Variants in ARFIP1 observed in about 807,000 individuals in gnomAD.
ARFIP1 encodes the protein ARF interacting protein 1, also known as arfaptin-1.
In ARFIP1, 24 loss-of-function variants were observed where a neutral mutation model predicts 42.5. That is an observed-to-expected ratio of 0.57 (90% CI 0.41 to 0.80). The LOEUF (loss-of-function observed/expected upper bound fraction) is 0.80, where lower values mean the gene tolerates loss of function less well. Ranked by LOEUF, ARFIP1 falls within the 30% of genes least tolerant of loss-of-function variation. The pLI, the probability that ARFIP1 is intolerant of heterozygous loss-of-function variation, is 0.00. For missense variants in ARFIP1, 354 were observed against 434.0 expected (o/e 0.82, Z 1.64); for synonymous variants, 141 against 153.7 (o/e 0.92, Z 0.61).
chr4:152,811,090 C>CTTTTTTT (rs5863021), intron 1 of ARFIP1, among the ~76,000 whole-genome samples: 1 of 74,406 alleles, frequency 1.3e-5, no homozygotes, highest in African/African-American at 5.0e-5. Flanking sequence ...AAGGTTAAGC[C>CTTTTTTT]TTTTTTTTTT....
At chr4:152,783,606 A>T (rs1730629569) in intron 1 of ARFIP1, among the ~76,000 whole-genome samples, 1 of 152,170 alleles carries the variant, frequency 6.6e-6, no homozygotes, top group Admixed American at 6.5e-5. Flanking sequence ...GTCTGACTCT[A>T]GACTACTACT....
chr4:152,786,148 G>T (rs755487657), intron 1 of ARFIP1, among the ~76,000 whole-genome samples: 1 of 152,088 alleles, frequency 6.6e-6, no homozygotes, highest in Admixed American at 6.5e-5. Flanking sequence ...CATTTTTCTT[G>T]GATATTTGGG....
At chr4:152,874,668 T>C (rs545363128) in intron 5 of ARFIP1, among the ~76,000 whole-genome samples, 2 of 152,242 alleles carry the variant, frequency 1.3e-5, no homozygotes, top group African/African-American at 2.4e-5. Flanking sequence ...ATTTACTGTT[T>C]GTTTGTTTGT....
At chr4:152,857,898 G>T (rs1392428395) in intron 2 of ARFIP1, among the ~76,000 whole-genome samples, 1 of 152,146 alleles carries the variant, frequency 6.6e-6, no homozygotes, top group Non-Finnish European at 1.5e-5. Flanking sequence ...GTCTATGTGG[G>T]CAGGGACTTT....
intron 5 of ARFIP1, among the ~76,000 whole-genome samples, chr4:152,873,637 T>C (rs1485325915): frequency 6.6e-6 from 1 of 152,234 alleles, no homozygotes; most frequent in Non-Finnish European, 1.5e-5. Flanking sequence ...CGTTAAGTCC[T>C]ATGCATTCTG....
chr4:152,905,258 A>ACTC (rs1738214541), intron 8 of ARFIP1, among the ~76,000 whole-genome samples: 1 of 152,162 alleles, frequency 6.6e-6, no homozygotes, highest in Admixed American at 6.5e-5. Context: ...GTTTTAAGAA[A>ACTC]CTGACAAACT....
At chr4:152,840,713 C>CT (rs764318893) in intron 2 of ARFIP1, among the ~76,000 whole-genome samples, 35,241 of 107,790 alleles carry the variant, frequency 0.33, 6,938 homozygotes, top group East Asian at 0.42. Flanking sequence ...GGCTCTGTAT[C>CT]TTTTTTTTTT....
At chr4:152,819,565 C>T (rs1730191279) in intron 1 of ARFIP1, among the ~76,000 whole-genome samples, 1 of 152,182 alleles carries the variant, frequency 6.6e-6, no homozygotes, top group Non-Finnish European at 1.5e-5. Context: ...CCCAGAGGAG[C>T]AGCAGGATTC....
intron 1 of ARFIP1, among the ~76,000 whole-genome samples, chr4:152,786,075 T>C (rs991431782): frequency 1.3e-5 from 2 of 152,246 alleles, no homozygotes; most frequent in African/African-American, 4.8e-5. Flanking sequence ...TGAAATGTTA[T>C]TGCCATGTTC....
At chr4:152,796,817 A>G in intron 1 of ARFIP1, 2 of 625,234 alleles carry the variant, frequency 3.2e-6, no homozygotes, top group South Asian at 1.8e-5. Flanking sequence ...GTAATTCAAT[A>G]TATTCATTCT....
chr4:152,854,448 T>C (rs1167554793), intron 2 of ARFIP1, among the ~76,000 whole-genome samples: 1 of 152,194 alleles, frequency 6.6e-6, no homozygotes, highest in South Asian at 2.1e-4. Flanking sequence ...GTTTGAATTC[T>C]TTTTCCAAGG....
intron 8 of ARFIP1, among the ~76,000 whole-genome samples, chr4:152,906,790 C>T (rs1738394718): frequency 1.3e-5 from 2 of 152,192 alleles, no homozygotes; most frequent in East Asian, 1.9e-4. Context: ...ATACCAGGCC[C>T]TTATTCACTC....
At position 152,863,662 on chromosome 4, in the gene ARFIP1, T is replaced by C. The variant is rs777993394; in HGVS notation, c.150T>C (p.Ser50=). The C allele has an allele frequency of 1.9e-6, 3 of 1,611,612 alleles. No homozygotes were observed. Among genetic ancestry groups the C allele is most frequent in the Non-Finnish European group, 2.5e-6 (3 of 1,177,982 alleles). ...GTCTCTCAGAAACCCAAATTACATC[T>C]CATGGCTTTGACAATACCAAAGAGG... ...GLGLSETQIT[S]HGFDNTKEGV... Residue 50 remains serine, a synonymous_variant, in exon 3 of 9, where the codon TCT becomes TCC. Coordinates refer to ENST00000353617, the MANE Select transcript of ARFIP1 (RefSeq NM_001025595.3).
chr4:152,856,698 G>A (rs1191463509), intron 2 of ARFIP1, among the ~76,000 whole-genome samples: 1 of 152,186 alleles, frequency 6.6e-6, no homozygotes. Flanking sequence ...GTGTTCAGAT[G>A]TTAGGGTTTT....
chr4:152,806,466 T>A (rs1729003119), intron 1 of ARFIP1, among the ~76,000 whole-genome samples: 1 of 152,166 alleles, frequency 6.6e-6, no homozygotes, highest in Non-Finnish European at 1.5e-5. Context: ...GAAAAATAGG[T>A]CCTCTGCCAT....
intron 1 of ARFIP1, among the ~76,000 whole-genome samples, chr4:152,794,694 A>G (rs1731331546): frequency 3.3e-5 from 5 of 152,094 alleles, no homozygotes; most frequent in Admixed American, 3.3e-4. Flanking sequence ...TATTTGCCTG[A>G]TGTTGATTGT....
intron 5 of ARFIP1, among the ~76,000 whole-genome samples, chr4:152,877,367 G>C (rs568407524): frequency 1.4e-4 from 21 of 152,230 alleles, no homozygotes; most frequent in Admixed American, 3.3e-4. Flanking sequence ...CTGCCCTGAT[G>C]GATTTTGGAC....
chr4:152,787,429 A>G (rs1337199509), intron 1 of ARFIP1, among the ~76,000 whole-genome samples: 1 of 152,246 alleles, frequency 6.6e-6, no homozygotes, highest in East Asian at 1.9e-4. Context: ...TCCAAGAGAA[A>G]AAAGACCTGC....
At chr4:152,783,025 A>T (rs142272018) in intron 1 of ARFIP1, among the ~76,000 whole-genome samples, 1 of 152,186 alleles carries the variant, frequency 6.6e-6, no homozygotes, top group Non-Finnish European at 1.5e-5. Flanking sequence ...AGAATAGCGT[A>T]TGCTAGGCTG....
Sources: gnomAD v4.1 joint callset for allele counts (sites outside exome capture counted in the v4.1 genomes callset) on GRCh38, gnomAD v4.1.1 for gene constraint, MANE v1.5 for transcripts, NCBI Gene and HGNC (gene_info 2026-07-23, HGNC 2026-07-21) for gene names.